STPG2: variants seen among roughly 807,000 people sequenced by gnomAD.
STPG2 encodes the protein sperm-tail PG-rich repeat-containing protein 2.
A neutral mutation model predicts 54.2 loss-of-function variants in STPG2; 56 were observed. The ratio of observed to expected loss-of-function variants is 1.03; its 90% confidence interval spans 0.83 to 1.29. The LOEUF is 1.29. Ranked by LOEUF, STPG2 falls within the 50% of genes most tolerant of loss-of-function variation. The probability of loss-of-function intolerance (pLI) is 0.00; values close to 1 mark genes in which losing one functional copy is unlikely to be tolerated. For synonymous variants in STPG2, 200 were observed against 181.8 expected (o/e 1.10, Z -0.81); for missense variants, 596 against 544.9 (o/e 1.09, Z -0.93).
rs146128608 is a variant in STPG2, at chr4:97,847,707, G to A, written c.1045-6775C>T. On this transcript the variant is annotated intron_variant, in intron 8 of 10. Transcript: ENST00000295268. ...ATTTGCACATCATTATCCTCAGATA[G>A]CCTTAAAATAAAACTTATTATCTTC... Among the ~76,000 whole-genome samples the A allele has an allele frequency of 4.0e-4, 61 of 152,236 alleles. No homozygotes were observed. The East Asian group carries it at 0.011, about 27-fold the overall frequency.
intron 9 of STPG2, among the ~76,000 whole-genome samples, chr4:97,829,086 T>G (rs1373623603): frequency 1.3e-5 from 2 of 152,154 alleles, no homozygotes; most frequent in Admixed American, 6.5e-5. Flanking sequence ...GGGAGACATC[T>G]CCGAGTAGGG....
intron 4 of STPG2, among the ~76,000 whole-genome samples, chr4:97,540,806 T>TG (rs1450998535): frequency 6.6e-6 from 1 of 152,132 alleles, no homozygotes; most frequent in Non-Finnish European, 1.5e-5. Context: ...GATGGAAGGC[T>TG]GGTTCAACAT....
intron 9 of STPG2, among the ~76,000 whole-genome samples, chr4:97,740,344 G>C (rs78437918): frequency 0.26 from 39,721 of 152,012 alleles, 5,593 homozygotes; most frequent in Middle Eastern, 0.36. Context: ...ATTCAACATA[G>C]TGTTGGAAGT....
Position 97,598,899 on chromosome 4 carries a change from A to G in STPG2, c.1321-39782T>C, listed in dbSNP as rs184474962. On this transcript the variant is annotated intron_variant, in intron 10 of 10. Coordinates refer to ENST00000295268, the MANE Select transcript of STPG2 (RefSeq NM_174952.3). ...TGACAAAGACACCAAAAGCAACTGCAACAACAACAACAAAAAAATGACAAA... is the reference window on the plus strand; with the variant it reads ...TGACAAAGACACCAAAAGCAACTGCGACAACAACAACAAAAAAATGACAAA... 3.3e-3 allele frequency among the ~76,000 whole-genome samples: 504 copies of G among 152,244 alleles called. 3 individuals carry two copies. The highest frequency in any genetic ancestry group is 0.011 in the African/African-American group (476 of 41,536).
intron 3 of STPG2, among the ~76,000 whole-genome samples, chr4:98,116,631 A>C (rs548128291): frequency 1.3e-5 from 2 of 151,954 alleles, no homozygotes; most frequent in Non-Finnish European, 2.9e-5. Flanking sequence ...TTACTCAAAT[A>C]TTTAAGATAC....
intron 1 of STPG2, among the ~76,000 whole-genome samples, chr4:98,137,698 T>C (rs1356807470): frequency 1.4e-4 from 21 of 151,580 alleles, no homozygotes; most frequent in Admixed American, 1.4e-3. Context: ...TAAACAAATG[T>C]AAAATTAGTT....
chr4:98,091,869 T>C (rs1738703112), intron 5 of STPG2, among the ~76,000 whole-genome samples: 1 of 152,036 alleles, frequency 6.6e-6, no homozygotes, highest in Non-Finnish European at 1.5e-5. Flanking sequence ...TATTGAGGCT[T>C]AGAATAGCAA....
intron 8 of STPG2, among the ~76,000 whole-genome samples, chr4:97,881,353 G>A (rs1578651230): frequency 6.6e-6 from 1 of 151,976 alleles, no homozygotes; most frequent in East Asian, 1.9e-4. Flanking sequence ...TACTTTAAAA[G>A]TTCCCTAAGG....
chr4:97,845,035 C>T (rs1467515760), intron 8 of STPG2, among the ~76,000 whole-genome samples: 1 of 151,552 alleles, frequency 6.6e-6, no homozygotes, highest in Non-Finnish European at 1.5e-5. Flanking sequence ...TTGCTTGCTT[C>T]TATTATCTAT....
chr4:97,681,290 T>G (rs527570383), intron 10 of STPG2, among the ~76,000 whole-genome samples: 147 of 152,002 alleles, frequency 9.7e-4, no homozygotes, highest in African/African-American at 3.3e-3. Flanking sequence ...AAGAGGTTCA[T>G]TTTATGTTCG....
intron 10 of STPG2, among the ~76,000 whole-genome samples, chr4:97,627,757 G>A (rs905170366): frequency 3.9e-5 from 6 of 151,980 alleles, no homozygotes; most frequent in Non-Finnish European, 7.4e-5. Flanking sequence ...TAAATGATTC[G>A]TTATAAGGAA....
intron 10 of STPG2, among the ~76,000 whole-genome samples, chr4:97,659,994 ATCTT>A (rs1304094334): frequency 9.9e-5 from 15 of 151,300 alleles, no homozygotes; most frequent in Non-Finnish European, 1.5e-4. Context: ...TTGTAGAAGA[ATCTT>A]TCTTTCTTTT....
At chr4:97,539,269 C>A (rs1374216754) in intron 4 of STPG2, among the ~76,000 whole-genome samples, 1 of 152,078 alleles carries the variant, frequency 6.6e-6, no homozygotes, top group Non-Finnish European at 1.5e-5. Context: ...AGAGTCAAGA[C>A]CCATCAGTGT....
chr4:98,046,007 G>A (rs62318552), intron 5 of STPG2, among the ~76,000 whole-genome samples: 146 of 64,442 alleles, frequency 2.3e-3, no homozygotes, highest in South Asian at 6.0e-3. Context: ...TCTGCTGAGT[G>A]GTATCCATAA....
chr4:97,771,353 A>G (rs1276871968), intron 9 of STPG2, among the ~76,000 whole-genome samples: 2 of 152,202 alleles, frequency 1.3e-5, no homozygotes, highest in Non-Finnish European at 2.9e-5. Flanking sequence ...AAGATAGAGT[A>G]CCTAACGAAG....
intron 5 of STPG2, among the ~76,000 whole-genome samples, chr4:98,089,201 C>T (rs1002069776): frequency 1.3e-5 from 2 of 152,020 alleles, no homozygotes; most frequent in Non-Finnish European, 2.9e-5. Flanking sequence ...TCCATGACCC[C>T]CCTCCCAACC....
intron 3 of STPG2, among the ~76,000 whole-genome samples, chr4:98,119,515 G>T (rs1465722263): frequency 2.0e-5 from 3 of 151,672 alleles, no homozygotes. Context: ...TTCTATAAAA[G>T]ATACAATTGA....
At chr4:98,023,474 G>A (rs1736301244) in intron 5 of STPG2, among the ~76,000 whole-genome samples, 1 of 152,226 alleles carries the variant, frequency 6.6e-6, no homozygotes, top group African/African-American at 2.4e-5. Flanking sequence ...AGGCTGCTCA[G>A]GGGTCAGGGA....
At chr4:98,027,909 A>G (rs1736476513) in intron 5 of STPG2, among the ~76,000 whole-genome samples, 1 of 152,144 alleles carries the variant, frequency 6.6e-6, no homozygotes, top group Non-Finnish European at 1.5e-5. Flanking sequence ...CTTTCAGTCC[A>G]AGCTGGCAGT....
Sources: allele counts gnomAD v4.1 joint callset (sites outside exome capture counted in the v4.1 genomes callset), GRCh38; gene constraint gnomAD v4.1.1; transcripts MANE v1.5; gene names NCBI Gene and HGNC (gene_info 2026-07-23, HGNC 2026-07-21).